NRAP: variants seen among roughly 807,000 people sequenced by gnomAD.
NRAP encodes the protein nebulin-related-anchoring protein.
A neutral mutation model predicts 225.9 loss-of-function variants in NRAP; 189 were observed. That is an observed-to-expected ratio of 0.84 (90% CI 0.74 to 0.94). NRAP has a LOEUF of 0.94. Among genes scored for constraint, NRAP ranks in the 40% least tolerant of loss-of-function variants. The pLI is 0.00. For missense variants in NRAP, 2,176 were observed against 2,168.7 expected (o/e 1.00, Z -0.07); for synonymous variants, 769 against 790.7 (o/e 0.97, Z 0.46).
chr10:113,649,981 C>T (rs1270352422), intron 9 of NRAP, 56 bp downstream of exon 9: 2 of 991,780 alleles, frequency 2.0e-6, no homozygotes, highest in African/African-American at 3.2e-5. Flanking sequence ...TGTGTCACAG[C>T]CTAGAATGGG....
chr10:113,644,583 C>T (rs1407512804), intron 11 of NRAP, among the ~76,000 whole-genome samples: 1 of 152,128 alleles, frequency 6.6e-6, no homozygotes, highest in Admixed American at 6.5e-5. Flanking sequence ...GACCTCTGGT[C>T]TAGAGTACCA....
intron 39 of NRAP, among the ~76,000 whole-genome samples, chr10:113,591,257 A>C (rs571420468): frequency 6.6e-6 from 1 of 152,364 alleles, no homozygotes; most frequent in East Asian, 1.9e-4. Flanking sequence ...CCATTCTCAC[A>C]TAGGCCACTC....
chr10:113,633,242 T>C (rs940148725), intron 15 of NRAP, 54 bp from the exon 16 acceptor site: 1 of 1,021,828 alleles, frequency 9.8e-7, no homozygotes, highest in Non-Finnish European at 1.6e-6. Flanking sequence ...AAAGAGAACT[T>C]TAGGGACCCA....
At chr10:113,632,674 T>C (rs1848639720) in intron 16 of NRAP, among the ~76,000 whole-genome samples, 1 of 152,206 alleles carries the variant, frequency 6.6e-6, no homozygotes, top group East Asian at 1.9e-4. Flanking sequence ...CATTTTCTTC[T>C]CCTGCCCCCA....
chr10:113,631,836 A>T, intron 17 of NRAP, 21 bp downstream of exon 17: 1 of 1,460,878 alleles, frequency 6.8e-7, no homozygotes, highest in Non-Finnish European at 9.6e-7. Flanking sequence ...TGCATTCCTG[A>T]GTTAATGAGA....
chr10:113,623,466 A>T (rs1848112264), intron 23 of NRAP, 63 bp downstream of exon 23: 4 of 1,035,326 alleles, frequency 3.9e-6, no homozygotes, highest in Non-Finnish European at 5.9e-6. Context: ...ACACTCAGAG[A>T]ATCTCCCCGG....
rs755653818 is a variant in NRAP, at chr10:113,592,213, G to A, written c.4625C>T (p.Ser1542Phe). ...DAIPFQTARA[S>F]REIASDFRYK... is the part of the protein sequence containing the mutation. ...TCTTACATCACTGGCGATCTCCCTA[G>A]ATGCCCGGGCAGTCTGGAAGGGGAT... The change falls in exon 39 of 42, where the codon TCT becomes TTT. Residue 1542 changes from serine to phenylalanine, a missense_variant. Around this residue, in one of 3 missense-constraint regions of NRAP, gnomAD observed 445 missense variants for 426.1 expected, o/e 1.04. Coordinates refer to ENST00000359988, the MANE Select transcript of NRAP (RefSeq NM_198060.4). 6.2e-7 allele frequency: 1 copy of A among 1,609,754 alleles called. No individual in the cohort carries two copies. Among genetic ancestry groups the A allele is most frequent in the South Asian group, 1.1e-5 (1 of 90,420 alleles).
intron 26 of NRAP, among the ~76,000 whole-genome samples, chr10:113,616,426 T>G (rs868464299): frequency 3.3e-5 from 5 of 152,188 alleles, no homozygotes; most frequent in Non-Finnish European, 7.3e-5. Context: ...TCCAAGTTTC[T>G]ACGTATCACA....
At chr10:113,617,183 A>G (rs1026315556) in intron 26 of NRAP, among the ~76,000 whole-genome samples, 1 of 152,172 alleles carries the variant, frequency 6.6e-6, no homozygotes, top group African/African-American at 2.4e-5. Context: ...CTCACCACGA[A>G]TGAATCGGTG....
At chr10:113,653,433 T>C (rs1850110876) in intron 5 of NRAP, among the ~76,000 whole-genome samples, 1 of 152,246 alleles carries the variant, frequency 6.6e-6, no homozygotes, top group African/African-American at 2.4e-5. Flanking sequence ...TCTGACTTTT[T>C]GAATATCTCT....
rs11575791 is a variant in NRAP, at chr10:113,589,932, G to A, written c.4957-135C>T. The A allele has an allele frequency of 2.0e-3, 1,955 of 999,652 alleles. 36 individuals are homozygous for A. The African/African-American group carries it at 0.029, about 15-fold the overall frequency. The allele number at this position is 999,652 out of a possible 1,614,324, so 61.9% of individuals were successfully genotyped here. ...GTCATCAGTAAAGCCAGAACAAGGG[G>A]AACAAATTTATCATAAGCAGCATCT... On this transcript the variant is annotated intron_variant, in intron 40 of 41. Coordinates refer to ENST00000359988, the MANE Select transcript of NRAP (RefSeq NM_198060.4).
At chr10:113,631,797 C>A (rs886211921) in intron 17 of NRAP, 60 bp downstream of exon 17, 3 of 1,073,528 alleles carry the variant, frequency 2.8e-6, no homozygotes, top group Non-Finnish European at 4.3e-6. Context: ...TCAGCAGGAC[C>A]ACTGACATTT....
intron 1 of NRAP, 102 bp from the exon 2 acceptor site, chr10:113,663,548 C>T (rs892050367): frequency 1.2e-5 from 9 of 767,278 alleles, no homozygotes; most frequent in Non-Finnish European, 1.9e-5. Flanking sequence ...GGATAAAATG[C>T]TGATTTTAAA....
Position 113,624,876 on chromosome 10 carries a change from C to T in NRAP, c.2299G>A (p.Asp767Asn), listed in dbSNP as rs1369555306. 6.2e-7 allele frequency: 1 copy of T among 1,614,112 alleles called. No homozygotes were observed. Residue 767 changes from aspartate (D) to asparagine (N), a missense_variant, in exon 22 of 42, where the codon GAC becomes AAC. Physicochemically the swap from Asp to Asn is conservative, Grantham distance 23 (BLOSUM62 1). Around this residue, in one of 3 missense-constraint regions of NRAP, gnomAD observed 1,708 missense variants for 1,695.5 expected, o/e 1.01. Transcript: ENST00000359988. ...CGGGCCTGCAGGAAGAGAGGCTCGTCTTTGCTGATGGTATACTGATGGACA... is the reference window on the plus strand; with the variant it reads ...CGGGCCTGCAGGAAGAGAGGCTCGTTTTTGCTGATGGTATACTGATGGACA... Reference protein sequence around the residue: ...QSVHQYTISKDEPLFLQARAN... With the variant: ...QSVHQYTISKNEPLFLQARAN...
At chr10:113,605,049 G>T in intron 34 of NRAP, 129 bp from the exon 35 acceptor site, 1 of 911,498 alleles carries the variant, frequency 1.1e-6, no homozygotes, top group Non-Finnish European at 1.6e-6. Flanking sequence ...GCCTGAGAGT[G>T]TGCCTTCCTC....
intron 39 of NRAP, 37 bp downstream of exon 39, chr10:113,592,155 ACT>A: frequency 7.6e-7 from 1 of 1,321,912 alleles, no homozygotes; most frequent in Non-Finnish European, 1.1e-6. Flanking sequence ...CCAGAGAAAA[ACT>A]CATCAGTGAC....
chr10:113,663,658 G>A (rs1277063673), intron 1 of NRAP, among the ~76,000 whole-genome samples, 153 bp downstream of exon 1: 1 of 151,864 alleles, frequency 6.6e-6, no homozygotes, highest in African/African-American at 2.4e-5. Context: ...GAAATGTGTA[G>A]AACTAAATAA....
chr10:113,639,415 C>T (rs1448173941), intron 14 of NRAP, among the ~76,000 whole-genome samples: 4 of 152,282 alleles, frequency 2.6e-5, no homozygotes, highest in African/African-American at 7.2e-5. Flanking sequence ...AGTAGCAAAA[C>T]CTCAATCAAT....
chr10:113,593,528 T>C (rs1416697953), intron 38 of NRAP, among the ~76,000 whole-genome samples: 1 of 152,224 alleles, frequency 6.6e-6, no homozygotes, highest in African/African-American at 2.4e-5. Context: ...GTCTACTGTG[T>C]TCTAGGCCCT....
Sources: gnomAD v4.1 joint callset for allele counts (sites outside exome capture counted in the v4.1 genomes callset) on GRCh38, gnomAD v4.1.1 for gene constraint, gnomAD v4.1.1 regional missense constraint, MANE v1.5 for transcripts, NCBI Gene and HGNC (gene_info 2026-07-23, HGNC 2026-07-21) for gene names.